The following SEL1L2 variants were observed in gnomAD, a reference collection of about 807,000 sequenced individuals.
SEL1L2 encodes SEL1L2 adaptor subunit of SYVN1 ubiquitin ligase.
A neutral mutation model predicts 98.8 loss-of-function variants in SEL1L2; 89 were observed. The ratio of observed to expected loss-of-function variants is 0.90; its 90% CI spans 0.76 to 1.07. SEL1L2 has a LOEUF of 1.07. SEL1L2 is among the 50% of genes least tolerant of loss of function. The pLI is 0.00. For synonymous variants in SEL1L2, 262 were observed against 278.5 expected, an observed-to-expected ratio of 0.94 and a Z score of 0.59; for missense variants, 788 against 812.0, an observed-to-expected ratio of 0.97 and a Z score of 0.36.
rs1392747882 is a variant in SEL1L2, at chr20:13,938,673, TCTAA to T, written c.115-6906_115-6903del. 4.6e-5 allele frequency among the ~76,000 whole-genome samples: 7 copies of T among 152,288 alleles called. No homozygotes were observed. The South Asian group carries it at 6.2e-4, about 14-fold the overall frequency. ...TTCTGTTTACCATTTATTAGCTGTG[TCTAA>T]CTGTGAGCAAATTAACCTCTCTGTG... On this transcript the variant is annotated intron_variant, in intron 2 of 19. Coordinates refer to ENST00000284951, the MANE Select transcript of SEL1L2 (RefSeq NM_025229.2).
At chr20:13,899,581 G>C (rs764242686) in intron 5 of SEL1L2, among the ~76,000 whole-genome samples, 1 of 152,154 alleles carries the variant, frequency 6.6e-6, no homozygotes, top group Non-Finnish European at 1.5e-5. Flanking sequence ...CAGAAGGAAC[G>C]AACTTCCTCC....
chr20:13,987,958 A>G (rs1292226707), intron 1 of SEL1L2, among the ~76,000 whole-genome samples: 2 of 152,200 alleles, frequency 1.3e-5, no homozygotes, highest in Non-Finnish European at 1.5e-5. Flanking sequence ...GATATCCTCC[A>G]AAACAGAAGA....
intron 10 of SEL1L2, among the ~76,000 whole-genome samples, chr20:13,882,056 T>C (rs1439373481): frequency 6.6e-6 from 1 of 152,178 alleles, no homozygotes; most frequent in Non-Finnish European, 1.5e-5. Flanking sequence ...ATATATTATG[T>C]AATGATCAAA....
At chr20:13,969,006 T>C (rs2051170305) in intron 1 of SEL1L2, among the ~76,000 whole-genome samples, 1 of 152,230 alleles carries the variant, frequency 6.6e-6, no homozygotes. Context: ...AAGATGTGAT[T>C]ATGTCCTCTA....
At chr20:13,964,578 G>C (rs934757937) in intron 1 of SEL1L2, among the ~76,000 whole-genome samples, 4 of 151,160 alleles carry the variant, frequency 2.6e-5, no homozygotes, top group African/African-American at 4.9e-5. Context: ...TCAGCCTCCG[G>C]AGTAGCTGGG....
chr20:13,973,556 T>G (rs1379829223), intron 1 of SEL1L2: 1 of 152,218 alleles, frequency 6.6e-6, no homozygotes, highest in East Asian at 1.9e-4. Flanking sequence ...GCTAGTCTTC[T>G]AGGAATAGAG....
At chr20:13,914,975 G>T in intron 4 of SEL1L2, 2 of 588,740 alleles carry the variant, frequency 3.4e-6, no homozygotes, top group Non-Finnish European at 5.0e-6. Context: ...GTATTTTAGG[G>T]ATTTATTTTT....
At chr20:13,861,204 C>A (rs779202178) in intron 17 of SEL1L2, among the ~76,000 whole-genome samples, 1 of 151,914 alleles carries the variant, frequency 6.6e-6, no homozygotes, top group African/African-American at 2.4e-5. Context: ...GAGACAGGGC[C>A]TGGATTTGTC....
At chr20:13,958,439 C>G (rs1176071653) in intron 1 of SEL1L2, among the ~76,000 whole-genome samples, 1 of 152,118 alleles carries the variant, frequency 6.6e-6, no homozygotes, top group Non-Finnish European at 1.5e-5. Flanking sequence ...CATTTCTCAC[C>G]TCATGTTTTT....
chr20:13,978,969 A>T (rs115771147), intron 1 of SEL1L2, among the ~76,000 whole-genome samples: 2,196 of 152,308 alleles, frequency 0.014, 46 homozygotes, highest in African/African-American at 0.05. Context: ...CTGAGGCACA[A>T]GAATCGCTTG....
chr20:13,915,827 C>A (rs565511018), intron 4 of SEL1L2, among the ~76,000 whole-genome samples: 33 of 152,242 alleles, frequency 2.2e-4, no homozygotes, highest in African/African-American at 5.3e-4. Flanking sequence ...AGAAGCTGGG[C>A]AGCAGGGGCA....
chr20:13,885,243 G>T, intron 10 of SEL1L2, 104 bp downstream of exon 10: 2 of 768,352 alleles, frequency 2.6e-6, no homozygotes, highest in South Asian at 1.5e-5. Context: ...TGGGCTTTCT[G>T]AGCAACTCTT....
At chr20:13,992,396 C>T (rs544330030), upstream of SEL1L2, among the ~76,000 whole-genome samples, 9 of 152,062 alleles carry the variant, frequency 5.9e-5, no homozygotes, top group South Asian at 2.1e-4. Context: ...CTCAGCTACT[C>T]GGGAGGCTGA....
intron 3 of SEL1L2, among the ~76,000 whole-genome samples, chr20:13,926,242 G>A (rs2048895300): frequency 6.6e-6 from 1 of 152,198 alleles, no homozygotes; most frequent in Non-Finnish European, 1.5e-5. Context: ...GTGAACCCTG[G>A]AGGCGGAGCT....
intron 10 of SEL1L2, among the ~76,000 whole-genome samples, chr20:13,881,411 A>T (rs1299726050): frequency 6.6e-6 from 1 of 152,222 alleles, no homozygotes; most frequent in Non-Finnish European, 1.5e-5. Context: ...TAGACAAAGC[A>T]GTTGCCCTTA....
Position 13,913,853 on chromosome 20 carries a change from C to T in SEL1L2, c.478G>A (p.Val160Met), listed in dbSNP as rs367596074. The change falls in exon 5 of 20, where the codon GTG (valine) becomes ATG (methionine). Residue 160 changes from valine to methionine, a missense_variant. Transcript: ENST00000284951. ...ADALLFGNFG[V>M]QNITAAIQLY... ...TGGATAGCTGCTGTTATATTTTGCACGCCAAAATTTCCAAATAGCAAAGCG... is the reference window on the plus strand; with the variant it reads ...TGGATAGCTGCTGTTATATTTTGCATGCCAAAATTTCCAAATAGCAAAGCG... The T allele has an allele frequency of 2.5e-5, 39 of 1,559,022 alleles. No homozygotes were observed. Among genetic ancestry groups the T allele is most frequent in the South Asian group, 2.3e-4 (18 of 79,486 alleles).
chr20:13,953,696 C>G (rs1295305958), intron 2 of SEL1L2, among the ~76,000 whole-genome samples: 2 of 152,212 alleles, frequency 1.3e-5, no homozygotes, highest in Non-Finnish European at 2.9e-5. Context: ...GAAGTACACT[C>G]TCTCGCTTTG....
At chr20:13,893,400 A>G (rs1188337765) in intron 5 of SEL1L2, among the ~76,000 whole-genome samples, 4 of 152,238 alleles carry the variant, frequency 2.6e-5, no homozygotes, top group African/African-American at 9.6e-5. Flanking sequence ...CTTTAAGCCA[A>G]AAATTGTCCT....
At chr20:13,988,451 T>A (rs1300123268) in intron 1 of SEL1L2, among the ~76,000 whole-genome samples, 1 of 152,194 alleles carries the variant, frequency 6.6e-6, no homozygotes, top group East Asian at 1.9e-4. Context: ...CCACACTGAG[T>A]TTTCATGGCA....
Sources: allele counts gnomAD v4.1 joint callset (sites outside exome capture counted in the v4.1 genomes callset), GRCh38; gene constraint gnomAD v4.1.1; transcripts MANE v1.5; gene names NCBI Gene and HGNC (gene_info 2026-07-23, HGNC 2026-07-21).